The following PTPRD variants were observed in gnomAD, a reference collection of about 807,000 sequenced individuals.
The protein encoded by PTPRD is protein tyrosine phosphatase receptor type D.
Under a neutral mutation model 214.5 loss-of-function variants are expected in PTPRD, and 34 were observed. That is an observed-to-expected ratio of 0.16 (90% CI 0.12 to 0.21). The LOEUF is 0.21. Among genes scored for constraint, PTPRD ranks in the 10% least tolerant of loss-of-function variants. The pLI is 1.00. For synonymous variants in PTPRD, 1,128 were observed against 845.7 expected, an observed-to-expected ratio of 1.33 and a Z score of -5.79; for missense variants, 2,545 against 2,398.7, an observed-to-expected ratio of 1.06 and a Z score of -1.27.
At position 8,559,921 on chromosome 9, in the gene PTPRD, G is replaced by C. The variant is rs191074275; in HGVS notation, c.353-31142C>G. Among the ~76,000 whole-genome samples the C allele has an allele frequency of 2.4e-4, 36 of 152,274 alleles. No individual in the cohort carries two copies. The East Asian group carries it at 5.4e-3, about 23-fold the overall frequency. On this transcript the variant is annotated intron_variant, in intron 14 of 45. Coordinates refer to ENST00000381196, the MANE Select transcript of PTPRD (RefSeq NM_002839.4). ...AATTAACATTAATTTGCAGAATAGT[G>C]TTTATTGAAAACCTTTGTGTATCTC...
At chr9:9,907,148 T>C (rs993836149) in intron 5 of PTPRD, among the ~76,000 whole-genome samples, 7 of 124,482 alleles carry the variant, frequency 5.6e-5, no homozygotes, top group Middle Eastern at 4.1e-3. Flanking sequence ...CTTTTTTGCC[T>C]ATTCCCCAAA....
At chr9:9,603,397 A>G (rs552158092) in intron 7 of PTPRD, among the ~76,000 whole-genome samples, 4 of 152,292 alleles carry the variant, frequency 2.6e-5, no homozygotes, top group Admixed American at 1.3e-4. Flanking sequence ...CCTAATTTCA[A>G]TGTAATTAGA....
At chr9:10,255,903 C>A (rs1393116816) in intron 3 of PTPRD, among the ~76,000 whole-genome samples, 1 of 152,156 alleles carries the variant, frequency 6.6e-6, no homozygotes, top group Non-Finnish European at 1.5e-5. Context: ...CAGGCCCGGA[C>A]TGGTACTGCT....
chr9:8,571,880 G>C (rs2091246014), intron 14 of PTPRD, among the ~76,000 whole-genome samples: 1 of 152,070 alleles, frequency 6.6e-6, no homozygotes, highest in Admixed American at 6.6e-5. Context: ...AACTCATTCA[G>C]AGCATCAAGA....
intron 12 of PTPRD, among the ~76,000 whole-genome samples, chr9:8,729,121 T>A (rs921533350): frequency 6.6e-6 from 1 of 152,218 alleles, no homozygotes; most frequent in African/African-American, 2.4e-5. Flanking sequence ...TACAGTAAAT[T>A]TCTATAGTTC....
intron 14 of PTPRD, among the ~76,000 whole-genome samples, chr9:8,595,029 A>AT (rs560487553): frequency 1.9e-4 from 28 of 151,158 alleles, no homozygotes; most frequent in Admixed American, 5.3e-4. Context: ...TGCCCAGCTA[A>AT]TTTTTTTGTA....
At chr9:10,468,849 T>G (rs1436294880) in intron 2 of PTPRD, among the ~76,000 whole-genome samples, 1 of 152,132 alleles carries the variant, frequency 6.6e-6, no homozygotes, top group Non-Finnish European at 1.5e-5. Flanking sequence ...ATGAATACAT[T>G]TAATTACTCA....
chr9:8,470,836 C>A (rs2134907008), intron 31 of PTPRD, among the ~76,000 whole-genome samples, 159 bp downstream of exon 31: 1 of 152,106 alleles, frequency 6.6e-6, no homozygotes, highest in South Asian at 2.1e-4. Context: ...TGTTGGGATC[C>A]CCAGGGGTTA....
At chr9:8,998,398 T>C (rs1256488261) in intron 11 of PTPRD, among the ~76,000 whole-genome samples, 1 of 152,016 alleles carries the variant, frequency 6.6e-6, no homozygotes, top group Non-Finnish European at 1.5e-5. Flanking sequence ...CTGTGTTCTA[T>C]GAATAGAACA....
chr9:9,777,244 G>A (rs1446648231), intron 5 of PTPRD, among the ~76,000 whole-genome samples: 1 of 151,832 alleles, frequency 6.6e-6, no homozygotes. Flanking sequence ...ACTTATTTTG[G>A]AGGAGAAAAA....
chr9:10,242,568 T>C (rs1188293814), intron 3 of PTPRD, among the ~76,000 whole-genome samples: 1 of 151,620 alleles, frequency 6.6e-6, no homozygotes, highest in African/African-American at 2.4e-5. Flanking sequence ...GATAGAGTGA[T>C]ATGTTGCTTT....
chr9:10,465,217 C>T (rs914795494), intron 2 of PTPRD, among the ~76,000 whole-genome samples: 4 of 152,242 alleles, frequency 2.6e-5, no homozygotes, highest in African/African-American at 7.2e-5. Flanking sequence ...ATCATTAGCA[C>T]ACACAACAGA....
intron 7 of PTPRD, among the ~76,000 whole-genome samples, chr9:9,637,577 C>G (rs1371562324): frequency 6.6e-6 from 1 of 152,190 alleles, no homozygotes; most frequent in African/African-American, 2.4e-5. Context: ...CCCCTAATGC[C>G]TTGGGCAGCT....
intron 10 of PTPRD, among the ~76,000 whole-genome samples, chr9:9,174,269 T>A (rs2099923270): frequency 6.6e-6 from 1 of 152,090 alleles, no homozygotes; most frequent in African/African-American, 2.4e-5. Flanking sequence ...TGTCTCTCCA[T>A]CATCTACAAT....
intron 8 of PTPRD, among the ~76,000 whole-genome samples, chr9:9,538,651 G>A (rs1257551961): frequency 6.6e-6 from 1 of 151,876 alleles, no homozygotes; most frequent in African/African-American, 2.4e-5. Context: ...AGTGATGTAT[G>A]AATTAATGCA....
Position 9,430,290 on chromosome 9 carries a change from C to G in PTPRD, c.-236-32808G>C, listed in dbSNP as rs867123055. 5.3e-5 allele frequency among the ~76,000 whole-genome samples: 8 copies of G among 152,142 alleles called. No homozygotes were observed. In the Middle Eastern group the frequency reaches 0.014, roughly 259 times the overall value. Reference sequence around the variant, plus strand: ...AACAGAGAGCCAAATCATGAGTGAACTCCCATTCACAATTGCTTCAAAGAG... The same window carrying G: ...AACAGAGAGCCAAATCATGAGTGAAGTCCCATTCACAATTGCTTCAAAGAG... On this transcript the variant is annotated intron_variant, in intron 8 of 45. Transcript: ENST00000381196.
At chr9:8,559,908 T>C (rs893083072) in intron 14 of PTPRD, among the ~76,000 whole-genome samples, 16 of 152,226 alleles carry the variant, frequency 1.1e-4, no homozygotes, top group African/African-American at 3.9e-4. Flanking sequence ...TTAACATTAA[T>C]TTGCAGAATA....
At chr9:10,064,971 A>G (rs1344334921) in intron 3 of PTPRD, among the ~76,000 whole-genome samples, 1 of 151,948 alleles carries the variant, frequency 6.6e-6, no homozygotes, top group East Asian at 1.9e-4. Flanking sequence ...CAGTCTATTC[A>G]GTCAATAGTG....
chr9:8,740,240 T>A (rs539812200), intron 11 of PTPRD, among the ~76,000 whole-genome samples: 1 of 152,018 alleles, frequency 6.6e-6, no homozygotes, highest in African/African-American at 2.4e-5. Flanking sequence ...CAAGTAGAAA[T>A]AGTGTTAACG....
Sources: allele counts gnomAD v4.1 joint callset (sites outside exome capture counted in the v4.1 genomes callset), GRCh38; gene constraint gnomAD v4.1.1; transcripts MANE v1.5; gene names NCBI Gene and HGNC (gene_info 2026-07-23, HGNC 2026-07-21).